Variants in IMPG1 observed in about 807,000 individuals in gnomAD.
IMPG1 encodes interphotoreceptor matrix proteoglycan 1, also known as interphotoreceptor matrix proteoglycan of 150 kDa.
A neutral mutation model predicts 92.0 loss-of-function variants in IMPG1; 85 were observed. That is an observed-to-expected ratio of 0.92 (90% CI 0.78 to 1.11). The LOEUF (loss-of-function observed/expected upper bound fraction) is 1.11, where lower values mean the gene tolerates loss of function less well. Ranked by LOEUF, IMPG1 falls within the 50% of genes least tolerant of loss-of-function variation. IMPG1 has a pLI of 0.00. For synonymous variants in IMPG1, 367 were observed against 334.1 expected (o/e 1.10, Z -1.08); for missense variants, 1,022 against 956.0 (o/e 1.07, Z -0.91).
At chr6:76,036,575 A>C (rs1264182112) in intron 2 of IMPG1, among the ~76,000 whole-genome samples, 1 of 152,350 alleles carries the variant, frequency 6.6e-6, no homozygotes, top group Middle Eastern at 3.4e-3. Context: ...ACGTAATTTT[A>C]ATTTATGTTC....
At chr6:75,967,048 G>A (rs978414849) in intron 12 of IMPG1, among the ~76,000 whole-genome samples, 8 of 152,094 alleles carry the variant, frequency 5.3e-5, no homozygotes, top group African/African-American at 1.4e-4. Context: ...GTGTGGTGGT[G>A]CATGCCTGTA....
At chr6:76,013,520 C>A (rs1383087423) in intron 7 of IMPG1, among the ~76,000 whole-genome samples, 1 of 152,030 alleles carries the variant, frequency 6.6e-6, no homozygotes, top group Admixed American at 6.6e-5. Flanking sequence ...TTGTAGAGCC[C>A]CAAAGTCAGG....
chr6:75,958,981 T>C (rs1782172056), intron 12 of IMPG1, among the ~76,000 whole-genome samples: 1 of 152,164 alleles, frequency 6.6e-6, no homozygotes, highest in Non-Finnish European at 1.5e-5. Flanking sequence ...TTTTCAGCCT[T>C]TTTTGCACTG....
chr6:75,982,698 A>G lies in IMPG1; in HGVS notation c.1291+20220T>C, dbSNP rs142429680. Among the ~76,000 whole-genome samples the G allele has an allele frequency of 9.5e-3, 1,440 of 151,786 alleles. 12 individuals carry two copies. The highest frequency in any genetic ancestry group is 0.033 in the African/African-American group (1,371 of 41,370). On this transcript the variant is annotated intron_variant, in intron 12 of 16. Transcript: ENST00000369950. ...AACAAAGAATGCCCAAATAATGACTATTTTTCTGAGCAAATCACCTCTTTT... is the reference window on the plus strand; with the variant it reads ...AACAAAGAATGCCCAAATAATGACTGTTTTTCTGAGCAAATCACCTCTTTT...
chr6:75,996,181 C>A (rs541360073), intron 12 of IMPG1, among the ~76,000 whole-genome samples: 2 of 152,094 alleles, frequency 1.3e-5, no homozygotes, highest in South Asian at 4.1e-4. Flanking sequence ...CATGGGACCC[C>A]TGGGGAAATC....
At chr6:75,974,383 CTTTCTTTCTTTTCT>C (rs1782488459) in intron 12 of IMPG1, among the ~76,000 whole-genome samples, 56 of 75,414 alleles carry the variant, frequency 7.4e-4, no homozygotes, top group Admixed American at 2.4e-3. Flanking sequence ...TTCTTTCTTT[CTTTCTTTCTTTTCT>C]TTCTTTCCTT....
At chr6:75,997,705 A>G (rs1782925679) in intron 12 of IMPG1, among the ~76,000 whole-genome samples, 2 of 152,344 alleles carry the variant, frequency 1.3e-5, no homozygotes, top group East Asian at 3.9e-4. Context: ...CAAGGTCGAC[A>G]GCAGTGACAA....
At chr6:75,955,088 C>G (rs1037155686) in intron 12 of IMPG1, among the ~76,000 whole-genome samples, 2 of 152,120 alleles carry the variant, frequency 1.3e-5, no homozygotes, top group African/African-American at 4.8e-5. Context: ...ATTATCTTAG[C>G]CATACAGGCT....
chr6:76,026,912 G>A (rs1783550148), intron 4 of IMPG1, among the ~76,000 whole-genome samples: 1 of 152,152 alleles, frequency 6.6e-6, no homozygotes, highest in Non-Finnish European at 1.5e-5. Context: ...CTTATGGAAT[G>A]AGCCCTTTCT....
intron 7 of IMPG1, among the ~76,000 whole-genome samples, chr6:76,011,692 G>A (rs973164852): frequency 1.3e-5 from 2 of 149,734 alleles, no homozygotes; most frequent in Non-Finnish European, 3.0e-5. Flanking sequence ...CCACTAACTC[G>A]TCATCTAGCA....
intron 12 of IMPG1, among the ~76,000 whole-genome samples, chr6:75,999,156 C>T (rs1052846735): frequency 9.9e-5 from 15 of 151,904 alleles, no homozygotes; most frequent in African/African-American, 2.7e-4. Flanking sequence ...TGCGCCCGGC[C>T]GATAGGAGTG....
At chr6:76,033,481 C>T (rs1783685960) in intron 4 of IMPG1, among the ~76,000 whole-genome samples, 1 of 152,196 alleles carries the variant, frequency 6.6e-6, no homozygotes, top group Admixed American at 6.5e-5. Context: ...ATATTTCAGA[C>T]ATAAATCTAA....
chr6:75,980,074 T>C (rs1782602987), intron 12 of IMPG1, among the ~76,000 whole-genome samples: 1 of 152,226 alleles, frequency 6.6e-6, no homozygotes, highest in Non-Finnish European at 1.5e-5. Context: ...ATGCCTAATA[T>C]GCTTCAAGCA....
chr6:76,024,041 G>T (rs1783480456), intron 5 of IMPG1, among the ~76,000 whole-genome samples: 1 of 152,030 alleles, frequency 6.6e-6, no homozygotes, highest in Non-Finnish European at 1.5e-5. Context: ...TTATATGGGG[G>T]AATTAACTAT....
chr6:75,974,329 CCCTTTCTTTCTT>C (rs1192555561), intron 12 of IMPG1, among the ~76,000 whole-genome samples: 41 of 122,622 alleles, frequency 3.3e-4, no homozygotes, highest in African/African-American at 1.1e-3. Context: ...CTCTTTCTTT[CCCTTTCTTTCTT>C]TCTTTCTTTC....
chr6:75,952,772 A>C (rs1255145850), intron 12 of IMPG1, among the ~76,000 whole-genome samples: 1 of 152,146 alleles, frequency 6.6e-6, no homozygotes. Flanking sequence ...TTGTAAGAAG[A>C]GACTCAAGAG....
intron 1 of IMPG1, among the ~76,000 whole-genome samples, chr6:76,069,912 T>C (rs1485870591): frequency 1.3e-5 from 2 of 152,170 alleles, no homozygotes; most frequent in African/African-American, 4.8e-5. Flanking sequence ...TTCTCACTTA[T>C]AAGTGGGAGC....
In IMPG1 at chr6:75,981,638, A is replaced by G. The variant is rs1012862956; in HGVS notation, c.1291+21280T>C. ...TTAGTGCTTTTGCCAAGTTACAGTC[A>G]TAGAAGACATTTGTATTTCAGCCAC... On this transcript the variant is annotated intron_variant, in intron 12 of 16. Transcript: ENST00000369950. Among the ~76,000 whole-genome samples the G allele has an allele frequency of 1.9e-4, 29 of 152,236 alleles. 1 individual carries two copies. The highest frequency in any genetic ancestry group is 5.5e-4 in the African/African-American group (23 of 41,458).
At chr6:76,057,706 T>A (rs900032688) in intron 1 of IMPG1, among the ~76,000 whole-genome samples, 1 of 152,022 alleles carries the variant, frequency 6.6e-6, no homozygotes, top group African/African-American at 2.4e-5. Context: ...GTGAAACCCA[T>A]AGGTGGGGGG....
Sources: allele counts gnomAD v4.1 joint callset (sites outside exome capture counted in the v4.1 genomes callset), GRCh38; gene constraint gnomAD v4.1.1; transcripts MANE v1.5; gene names NCBI Gene and HGNC (gene_info 2026-07-23, HGNC 2026-07-21).